The following TGDS variants were observed in gnomAD, a reference collection of about 807,000 sequenced individuals.
TGDS encodes the protein UDP-D-glucose 4,6-dehydratase.
A neutral mutation model predicts 52.3 loss-of-function variants in TGDS; 47 were observed. That is an observed-to-expected ratio of 0.90 (90% CI 0.71 to 1.15). TGDS has a LOEUF of 1.15. Ranked by LOEUF, TGDS falls within the 50% of genes most tolerant of loss-of-function variation. The pLI is 0.00. For missense variants in TGDS, 375 were observed against 418.4 expected (o/e 0.90, Z 0.90); for synonymous variants, 115 against 136.9 (o/e 0.84, Z 1.12).
intron 4 of TGDS, among the ~76,000 whole-genome samples, chr13:94,589,658 C>G (rs1310445104): frequency 6.6e-6 from 1 of 151,990 alleles, no homozygotes; most frequent in East Asian, 1.9e-4. Context: ...AGGAGAAATC[C>G]AAATTACAAA....
At chr13:94,575,681 T>G (rs975043518) in intron 11 of TGDS, among the ~76,000 whole-genome samples, 1 of 148,978 alleles carries the variant, frequency 6.7e-6, no homozygotes, top group Non-Finnish European at 1.5e-5. Flanking sequence ...TTTTAAATTA[T>G]TTTTTGTTTC....
intron 4 of TGDS, among the ~76,000 whole-genome samples, chr13:94,585,091 C>G (rs907060209): frequency 6.6e-6 from 1 of 151,814 alleles, no homozygotes; most frequent in Non-Finnish European, 1.5e-5. Flanking sequence ...TCTCTGTTGC[C>G]CAGGCTGGAG....
rs1888667070 is a variant in TGDS at position 94,578,163 on chromosome 13, G to C, written c.667C>G (p.His223Asp). The change falls in exon 9 of 12, where the codon CAT becomes GAT. Residue 223 changes from histidine (H) to aspartate (D), a missense_variant. His to Asp is a moderately conservative substitution (Grantham distance 81). Coordinates refer to ENST00000261296, the MANE Select transcript of TGDS (RefSeq NM_014305.4). ...LLQHNRKCCI[H>D]GSGLQTRNFL... Reference sequence around the variant, plus strand: ...TTTCTTGTTTGAAGCCCTGACCCATGAATGCAACTAAAGAGATTAAACGAA... The same window carrying C: ...TTTCTTGTTTGAAGCCCTGACCCATCAATGCAACTAAAGAGATTAAACGAA... The C allele has an allele frequency of 1.2e-6, 2 of 1,613,416 alleles. No homozygotes were observed. The highest frequency in any genetic ancestry group is 1.7e-6 in the Non-Finnish European group (2 of 1,179,682).
chr13:94,593,887 G>C lies in TGDS; in HGVS notation c.107C>G (p.Ser36Cys). Residue 36 changes from serine to cysteine, a missense_variant, in exon 2 of 12, where the codon TCT (serine) becomes TGT (cysteine). Ser to Cys is a moderately radical substitution (Grantham distance 112). Coordinates refer to ENST00000261296, the MANE Select transcript of TGDS (RefSeq NM_014305.4). The stretch of plus-strand genomic sequence containing the variant: ...ATAGTTTGGATAATCTTCCACTAAA[G>C]AGACAATCATATGTGATGCACTATG... The part of the protein sequence containing the change: ...AGFIASHMIV[S>C]LVEDYPNYMI... 1 of 1,583,268 alleles carries C rather than the reference G, an allele frequency of 6.3e-7. No homozygotes were observed. Among genetic ancestry groups the C allele is most frequent in the Non-Finnish European group, 8.6e-7 (1 of 1,165,880 alleles).
chr13:94,587,014 C>T (rs913760012), intron 4 of TGDS, among the ~76,000 whole-genome samples: 77 of 152,208 alleles, frequency 5.1e-4, no homozygotes, highest in African/African-American at 1.8e-3. Context: ...ATTCGCCTGC[C>T]TTGGCCTCTC....
At position 94,574,188 on chromosome 13, in the gene TGDS, TTC is replaced by T. The variant is rs1471246431; in HGVS notation, c.*592_*593del. 1 of 152,186 alleles carries T rather than the reference TTC, an allele frequency of 6.6e-6. No individual in the cohort carries two copies. The highest frequency in any genetic ancestry group is 1.9e-4 in the East Asian group (1 of 5,196). 9.4% of individuals were successfully genotyped at this position (152,186 alleles called of 1,614,324 possible). On this transcript the variant is annotated 3_prime_UTR_variant, in exon 12 of 12. Transcript: ENST00000261296. ...ATTTTAAACAGTAAACATGATAAAT[TTC>T]TGATACAAGGTTTTACATACGTTAA...
chr13:94,588,421 C>CAAAAAAAAAAAAAAAAAAAAAAAA (rs150186125), intron 4 of TGDS, among the ~76,000 whole-genome samples: 5 of 58,490 alleles, frequency 8.5e-5, no homozygotes, highest in African/African-American at 2.8e-4. Flanking sequence ...GACTCTGTCT[C>CAAAAAAAAAAAAAAAAAAAAAAAA]AAAAAAAAAA....
At chr13:94,595,503 A>G (rs1252022920) in intron 1 of TGDS, among the ~76,000 whole-genome samples, 1 of 152,176 alleles carries the variant, frequency 6.6e-6, no homozygotes, top group Non-Finnish European at 1.5e-5. Context: ...ATGACAGTAA[A>G]CATGGGCTAG....
chr13:94,579,764 TTA>T (rs1341157147), intron 7 of TGDS, 128 bp downstream of exon 7: 3 of 566,102 alleles, frequency 5.3e-6, no homozygotes, highest in African/African-American at 3.8e-5. Flanking sequence ...GCAAGTGGTG[TTA>T]TACAGCATAT....
rs541406878 is a variant in TGDS at position 94,574,667 on chromosome 13, T to C, written c.*115A>G. Reference sequence around the variant, plus strand: ...CATTTGAATTTTATACAGAAAGTCATGAATCTAATTCCAAAAGAAAAGAGT... The same window carrying C: ...CATTTGAATTTTATACAGAAAGTCACGAATCTAATTCCAAAAGAAAAGAGT... On this transcript the variant is annotated 3_prime_UTR_variant, in exon 12 of 12. Transcript: ENST00000261296. 3.2e-6 allele frequency: 2 copies of C among 619,886 alleles called. No individual in the cohort carries two copies. The highest frequency in any genetic ancestry group is 3.1e-5 in the Admixed American group (1 of 32,762). 38.4% of individuals were successfully genotyped at this position (619,886 alleles called of 1,614,324 possible).
chr13:94,592,273 T>C lies in TGDS; in HGVS notation c.190A>G (p.Ile64Val). ...YCASLKNLET[I>V]SNKQNYKFIQ... The stretch of plus-strand genomic sequence containing the variant: ...AATTTGTAGTTCTGTTTGTTAGAAA[T>C]GGTTTCAAGATTCTTCAAGCTTGCA... The change falls in exon 3 of 12, where the codon ATT becomes GTT. Residue 64 changes from isoleucine to valine, a missense_variant. Coordinates refer to ENST00000261296, the MANE Select transcript of TGDS (RefSeq NM_014305.4). 4 of 1,611,282 alleles carry C rather than the reference T, an allele frequency of 2.5e-6. No individual in the cohort carries two copies. Among genetic ancestry groups the C allele is most frequent in the Non-Finnish European group, 3.4e-6 (4 of 1,179,282 alleles).
At chr13:94,587,820 AC>A (rs1171282681) in intron 4 of TGDS, among the ~76,000 whole-genome samples, 1 of 151,188 alleles carries the variant, frequency 6.6e-6, no homozygotes, top group Admixed American at 6.6e-5. Flanking sequence ...ACACGGTGAA[AC>A]CCCGTCTCTA....
chr13:94,594,942 G>A (rs1348413268), intron 1 of TGDS, among the ~76,000 whole-genome samples: 1 of 152,124 alleles, frequency 6.6e-6, no homozygotes, highest in African/African-American at 2.4e-5. Flanking sequence ...AATGGGCCAG[G>A]CATTCTTCCA....
Position 94,583,733 on chromosome 13 carries a change from A to G in TGDS, c.314-497T>C, listed in dbSNP as rs899782347. Among the ~76,000 whole-genome samples, 4 of 152,290 alleles carry G rather than the reference A, an allele frequency of 2.6e-5. No homozygotes were observed. The East Asian group carries it at 7.7e-4, about 29-fold the overall frequency. On this transcript the variant is annotated intron_variant, in intron 4 of 11. Transcript: ENST00000261296. ...ATGGAAGAGGATGATAAATTTGACC[A>G]TATAAAAATTTTGCATGGTTAAAAA...
chr13:94,585,799 CAA>C (rs371365630), intron 4 of TGDS, among the ~76,000 whole-genome samples: 75,681 of 115,906 alleles, frequency 0.65, 21,901 homozygotes, highest in Middle Eastern at 0.72. Context: ...GACTCTGTCT[CAA>C]AAAAAAAAAA....
At position 94,583,088 on chromosome 13, in the gene TGDS, G is replaced by A. The variant is rs772887561; in HGVS notation, c.456+6C>T. ...AGTAGGTAAAATATACATTTTCTAA[G>A]CTCACCTTATCAAGACTGCCACCAT... On this transcript the variant is annotated splice_donor_region_variant and intron_variant, in intron 5 of 11. Coordinates refer to ENST00000261296, the MANE Select transcript of TGDS (RefSeq NM_014305.4). 1 of 1,611,626 alleles carries A rather than the reference G, an allele frequency of 6.2e-7. No homozygotes were observed.
rs377717162 is a variant in TGDS at position 94,592,329 on chromosome 13, G to C, written c.154-20C>G. The C allele has an allele frequency of 7.0e-6, 11 of 1,579,504 alleles. No individual in the cohort carries two copies. The African/African-American group carries it at 1.4e-4, about 20-fold the overall frequency. Reference sequence around the variant, plus strand: ...ATCCAGCTTGAAAGAAGAGAGCACAGAAGGGGCAACACAAAAAGTGACATT... The same window carrying C: ...ATCCAGCTTGAAAGAAGAGAGCACACAAGGGGCAACACAAAAAGTGACATT... On this transcript the variant is annotated intron_variant, in intron 2 of 11. Coordinates refer to ENST00000261296, the MANE Select transcript of TGDS (RefSeq NM_014305.4).
intron 4 of TGDS, among the ~76,000 whole-genome samples, chr13:94,584,481 C>T (rs1215624487): frequency 6.6e-6 from 1 of 152,216 alleles, no homozygotes; most frequent in East Asian, 1.9e-4. Flanking sequence ...AACAAAAAAT[C>T]TCAATGCGGA....
At chr13:94,596,224 G>T, upstream of TGDS, 2 of 1,409,208 alleles carry the variant, frequency 1.4e-6, no homozygotes, top group Middle Eastern at 2.0e-4. Flanking sequence ...GACGCGCCTC[G>T]CTCGCGGGAC....
Sources: allele counts gnomAD v4.1 joint callset (sites outside exome capture counted in the v4.1 genomes callset), GRCh38; gene constraint gnomAD v4.1.1; transcripts MANE v1.5; gene names NCBI Gene and HGNC (gene_info 2026-07-23, HGNC 2026-07-21).